The following ATRNL1 variants were observed in gnomAD, a reference collection of about 807,000 sequenced individuals.
The protein encoded by ATRNL1 is attractin like 1.
Under a neutral mutation model 182.7 loss-of-function variants are expected in ATRNL1, and 95 were observed. The observed-to-expected ratio is 0.52, with a 90% confidence interval of 0.44 to 0.62. ATRNL1 has a LOEUF of 0.62. ATRNL1 is among the 20% of genes least tolerant of loss of function. The pLI, the probability that ATRNL1 is intolerant of heterozygous loss-of-function variation, is 0.00. For synonymous variants in ATRNL1, 576 were observed against 568.3 expected (o/e 1.01, Z -0.19); for missense variants, 1,471 against 1,679.5 (o/e 0.88, Z 2.17).
At chr10:115,846,710 C>T (rs1416287054) in intron 27 of ATRNL1, among the ~76,000 whole-genome samples, 3 of 152,014 alleles carry the variant, frequency 2.0e-5, no homozygotes, top group African/African-American at 7.2e-5. Flanking sequence ...GATTTGTGTA[C>T]ACGTGTGTAC....
intron 26 of ATRNL1, among the ~76,000 whole-genome samples, chr10:115,725,108 C>G (rs560368387): frequency 1.3e-5 from 2 of 152,250 alleles, no homozygotes; most frequent in South Asian, 4.1e-4. Context: ...GCTTTACAAA[C>G]TATAGTAGTA....
chr10:115,827,291 T>C lies in ATRNL1; in HGVS notation c.3904-20586T>C, dbSNP rs539932788. Among the ~76,000 whole-genome samples the C allele has an allele frequency of 3.9e-5, 6 of 152,340 alleles. No homozygotes were observed. In the East Asian group the frequency reaches 1.2e-3, roughly 29 times the overall value. Reference sequence around the variant, plus strand: ...CAAGAGCCAAAGTATTACAGCTCAGTCAGGCCACACCCCCTGCAAACTGTT... The same window carrying C: ...CAAGAGCCAAAGTATTACAGCTCAGCCAGGCCACACCCCCTGCAAACTGTT... On this transcript the variant is annotated intron_variant, in intron 27 of 28. Transcript: ENST00000355044.
At chr10:115,706,006 C>T (rs1946885000) in intron 26 of ATRNL1, among the ~76,000 whole-genome samples, 1 of 151,924 alleles carries the variant, frequency 6.6e-6, no homozygotes, top group South Asian at 2.1e-4. Flanking sequence ...CCGTCTTCCA[C>T]TTAGCTGTCA....
chr10:115,508,456 TGCCAATACG>T (rs1554981849), intron 24 of ATRNL1, among the ~76,000 whole-genome samples: 3 of 152,054 alleles, frequency 2.0e-5, no homozygotes, highest in Non-Finnish European at 4.4e-5. Flanking sequence ...GCATGTTGAA[TGCCAATACG>T]GCCGAAATCT....
intron 20 of ATRNL1, among the ~76,000 whole-genome samples, chr10:115,415,818 T>C (rs1554960737): frequency 6.6e-6 from 1 of 152,048 alleles, no homozygotes; most frequent in East Asian, 1.9e-4. Flanking sequence ...AGGACTGTCT[T>C]ACTCCAGTCA....
At chr10:115,498,236 C>G (rs1554978982) in intron 24 of ATRNL1, among the ~76,000 whole-genome samples, 1 of 152,032 alleles carries the variant, frequency 6.6e-6, no homozygotes, top group South Asian at 2.1e-4. Context: ...CTAATATACT[C>G]TGGTATAAAA....
intron 24 of ATRNL1, among the ~76,000 whole-genome samples, chr10:115,510,864 GA>G (rs774606661): frequency 2.2e-4 from 33 of 151,972 alleles, no homozygotes; most frequent in Non-Finnish European, 3.5e-4. Flanking sequence ...AGGGAATTAA[GA>G]AGTGTTTGGA....
rs531377160 is a variant in ATRNL1 at position 115,318,049 on chromosome 10, A to G, written c.3037+2313A>G. Reference sequence around the variant, plus strand: ...TGTGGGATTGTCATAAGAAGCTCCTATTATCGAGCTGTGTTCCATCAATAC... The same window carrying G: ...TGTGGGATTGTCATAAGAAGCTCCTGTTATCGAGCTGTGTTCCATCAATAC... On this transcript the variant is annotated intron_variant, in intron 18 of 28. Coordinates refer to ENST00000355044, the MANE Select transcript of ATRNL1 (RefSeq NM_207303.4). Among the ~76,000 whole-genome samples, 13 of 152,102 alleles carry G rather than the reference A, an allele frequency of 8.5e-5. 1 individual carries two copies. In the South Asian group the frequency reaches 1.7e-3, roughly 19 times the overall value.
chr10:115,724,017 C>A (rs942887041), intron 26 of ATRNL1, among the ~76,000 whole-genome samples: 1 of 151,212 alleles, frequency 6.6e-6, no homozygotes, highest in Admixed American at 6.7e-5. Flanking sequence ...GTATTATGAT[C>A]AATTTGTTCT....
At chr10:115,854,583 G>A (rs1589607975) in intron 28 of ATRNL1, among the ~76,000 whole-genome samples, 1 of 152,316 alleles carries the variant, frequency 6.6e-6, no homozygotes, top group East Asian at 1.9e-4. Flanking sequence ...CTGCTGAGCA[G>A]CAGCATCTCA....
At chr10:115,151,792 C>A (rs1846245392) in intron 5 of ATRNL1, among the ~76,000 whole-genome samples, 1 of 152,154 alleles carries the variant, frequency 6.6e-6, no homozygotes, top group African/African-American at 2.4e-5. Context: ...CTTGCCCATG[C>A]CTGTGTCCTG....
intron 9 of ATRNL1, among the ~76,000 whole-genome samples, chr10:115,223,468 A>T (rs951194700): frequency 2.6e-5 from 4 of 152,166 alleles, no homozygotes; most frequent in African/African-American, 7.2e-5. Context: ...ATTTATATAT[A>T]ATTTATAACA....
chr10:115,727,328 A>C lies in ATRNL1; in HGVS notation c.3876A>C (p.Gln1292His), dbSNP rs967752029. Reference protein sequence around the residue: ...VDVALEVGAEQTEFLRGPLEG... With the variant: ...VDVALEVGAEHTEFLRGPLEG... ...TAGCTCTGGAAGTGGGAGCTGAACA[A>C]ACAGAGTTTCTGCGAGGGCCATTAG... is the stretch of plus-strand genomic sequence containing the variant. The change falls in exon 27 of 29, where the codon CAA becomes CAC. Residue 1292 changes from glutamine to histidine, a missense_variant. Physicochemically the swap from Gln to His is conservative, Grantham distance 24 (BLOSUM62 0). Transcript: ENST00000355044. 1.8e-5 allele frequency: 29 copies of C among 1,613,956 alleles called. No homozygotes were observed. Among genetic ancestry groups the C allele is most frequent in the Non-Finnish European group, 2.3e-5 (27 of 1,179,968 alleles).
intron 26 of ATRNL1, among the ~76,000 whole-genome samples, chr10:115,630,827 T>TACACACACACACAC (rs199640218): frequency 1.5e-5 from 2 of 129,838 alleles, no homozygotes; most frequent in African/African-American, 2.8e-5. Context: ...ATATGTATTA[T>TACACACACACACAC]ACACACACAC....
intron 8 of ATRNL1, among the ~76,000 whole-genome samples, chr10:115,202,716 G>A (rs559782534): frequency 8.3e-5 from 12 of 144,456 alleles, no homozygotes; most frequent in Admixed American, 6.3e-4. Context: ...GTCTCTGCCC[G>A]GCTTTGGTAT....
chr10:115,281,280 A>G, intron 13 of ATRNL1, 75 bp from the exon 14 acceptor site: 1 of 1,318,370 alleles, frequency 7.6e-7, no homozygotes, highest in South Asian at 1.6e-5. Context: ...TCACCAGAGG[A>G]TTTAAATATA....
chr10:115,178,666 A>G (rs1847629125), intron 8 of ATRNL1, among the ~76,000 whole-genome samples: 1 of 152,086 alleles, frequency 6.6e-6, no homozygotes, highest in South Asian at 2.1e-4. Flanking sequence ...TGAGTGGATT[A>G]GTGCCTTACA....
At chr10:115,512,725 A>G (rs1265039335) in intron 24 of ATRNL1, among the ~76,000 whole-genome samples, 1 of 151,934 alleles carries the variant, frequency 6.6e-6, no homozygotes, top group Non-Finnish European at 1.5e-5. Context: ...CCAGTAAAAT[A>G]AAATAATTTT....
At chr10:115,793,207 T>A (rs1555082143) in intron 27 of ATRNL1, among the ~76,000 whole-genome samples, 1 of 152,076 alleles carries the variant, frequency 6.6e-6, no homozygotes, top group African/African-American at 2.4e-5. Flanking sequence ...GTATGGTTAG[T>A]CATTATCTGT....
Sources: gnomAD v4.1 joint callset for allele counts (sites outside exome capture counted in the v4.1 genomes callset) on GRCh38, gnomAD v4.1.1 for gene constraint, MANE v1.5 for transcripts, NCBI Gene and HGNC (gene_info 2026-07-23, HGNC 2026-07-21) for gene names.